GALNT1: variants seen among roughly 807,000 people sequenced by gnomAD.
The protein encoded by GALNT1 is polypeptide N-acetylgalactosaminyltransferase 1.
A neutral mutation model predicts 65.7 loss-of-function variants in GALNT1; 17 were observed. The ratio of observed to expected loss-of-function variants is 0.26; its 90% CI spans 0.18 to 0.39. GALNT1 has a LOEUF of 0.39. Among genes scored for constraint, GALNT1 ranks in the 10% least tolerant of loss-of-function variants. The probability of loss-of-function intolerance (pLI) is 1.00; values close to 1 mark genes in which losing one functional copy is unlikely to be tolerated. For missense variants in GALNT1, 460 were observed against 672.8 expected (o/e 0.68, Z 3.50); for synonymous variants, 210 against 219.7 (o/e 0.96, Z 0.39).
At chr18:35,625,131 T>TCTAC (rs2046899817) in intron 1 of GALNT1, among the ~76,000 whole-genome samples, 1 of 152,220 alleles carries the variant, frequency 6.6e-6, no homozygotes, top group Non-Finnish European at 1.5e-5. Context: ...TTTCATAACA[T>TCTAC]CTTTAGGGCT....
intron 5 of GALNT1, among the ~76,000 whole-genome samples, chr18:35,684,149 G>A (rs1317751902): frequency 1.3e-5 from 2 of 152,192 alleles, no homozygotes; most frequent in East Asian, 3.8e-4. Context: ...TTCTGGCTTA[G>A]TTCTTGTGCA....
intron 1 of GALNT1, among the ~76,000 whole-genome samples, chr18:35,638,762 A>T (rs1041411631): frequency 6.6e-6 from 1 of 152,204 alleles, no homozygotes. Flanking sequence ...ATCTGAGCAA[A>T]GTAACAGAGT....
At chr18:35,655,190 C>T (rs1165374668) in intron 2 of GALNT1, among the ~76,000 whole-genome samples, 1 of 152,050 alleles carries the variant, frequency 6.6e-6, no homozygotes, top group Non-Finnish European at 1.5e-5. Context: ...CTCCTCCCCT[C>T]CCATCTCATT....
chr18:35,619,826 GGGT>G (rs2046829312), intron 1 of GALNT1, among the ~76,000 whole-genome samples: 2 of 152,150 alleles, frequency 1.3e-5, no homozygotes, highest in Non-Finnish European at 2.9e-5. Flanking sequence ...AGTTGTTTGT[GGGT>G]AACATTTGAG....
In GALNT1 at chr18:35,709,862, A is replaced by C; in HGVS notation, c.*92A>C. On this transcript the variant is annotated 3_prime_UTR_variant, in exon 12 of 12. Transcript: ENST00000269195. ...ACATTCTTAAGTAGCAAAAAAGGAAAAGTGCTTTCCTCCTCTGCAGGATGT... is the reference window on the plus strand; with the variant it reads ...ACATTCTTAAGTAGCAAAAAAGGAACAGTGCTTTCCTCCTCTGCAGGATGT... 1 of 1,437,962 alleles carries C rather than the reference A, an allele frequency of 7.0e-7. No homozygotes were observed. Among genetic ancestry groups the C allele is most frequent in the Admixed American group, 2.0e-5 (1 of 50,348 alleles). The allele number at this position is 1,437,962 out of a possible 1,614,324, so 89.1% of individuals were successfully genotyped here.
At chr18:35,638,389 T>C (rs2047119694) in intron 1 of GALNT1, among the ~76,000 whole-genome samples, 1 of 152,090 alleles carries the variant, frequency 6.6e-6, no homozygotes, top group Non-Finnish European at 1.5e-5. Flanking sequence ...GGCATTTATT[T>C]ATACAGATTT....
At chr18:35,680,550 T>C (rs1248695456) in intron 4 of GALNT1, among the ~76,000 whole-genome samples, 2 of 152,226 alleles carry the variant, frequency 1.3e-5, no homozygotes, top group Non-Finnish European at 2.9e-5. Context: ...GAAAGAATAA[T>C]GTACACTGGT....
chr18:35,695,273 G>C (rs1455336931), intron 9 of GALNT1, among the ~76,000 whole-genome samples: 1 of 152,158 alleles, frequency 6.6e-6, no homozygotes, highest in South Asian at 2.1e-4. Context: ...GGTGTTGGGT[G>C]GGGGTGGGAA....
At chr18:35,581,450 C>T (rs1314586947), upstream of GALNT1, 1 of 146,514 alleles carries the variant, frequency 6.8e-6, no homozygotes, top group African/African-American at 2.5e-5. Context: ...GCCGGCGCCC[C>T]CGCCTCCCCC....
rs2047982865 is a variant in GALNT1, at chr18:35,692,411, G to C, written c.1299+91G>C. ...TAGGAGTTAGTTAAACTTCCAATAA[G>C]GAAAGTACCTTCATGTTAACATTTA... On this transcript the variant is annotated intron_variant, in intron 9 of 11. Transcript: ENST00000269195. 15 of 747,376 alleles carry C rather than the reference G, an allele frequency of 2.0e-5. 1 individual carries two copies. The South Asian group carries it at 4.6e-4, about 23-fold the overall frequency. 46.3% of individuals were successfully genotyped at this position (747,376 alleles called of 1,614,324 possible).
rs1169400856 is a variant in GALNT1, at chr18:35,627,775, C to T, written c.-103-26785C>T. Among the ~76,000 whole-genome samples, 4 of 152,088 alleles carry T rather than the reference C, an allele frequency of 2.6e-5. No individual in the cohort carries two copies. The East Asian group carries it at 7.7e-4, about 29-fold the overall frequency. On this transcript the variant is annotated intron_variant, in intron 1 of 11. Coordinates refer to ENST00000269195, the MANE Select transcript of GALNT1 (RefSeq NM_020474.4). ...CGAGCTGAAGCAGGGCGAGGCATCACCTCACTCGGGAAGCACAAGGGGTCA... is the reference window on the plus strand; with the variant it reads ...CGAGCTGAAGCAGGGCGAGGCATCATCTCACTCGGGAAGCACAAGGGGTCA...
Position 35,633,783 on chromosome 18 carries a change from A to G in GALNT1, c.-103-20777A>G, listed in dbSNP as rs1472865656. Reference sequence around the variant, plus strand: ...TAAAATCCCAGTTTAGTAATTTGAGAAATGTAACAATAAAGCATAGTCCCA... The same window carrying G: ...TAAAATCCCAGTTTAGTAATTTGAGGAATGTAACAATAAAGCATAGTCCCA... On this transcript the variant is annotated intron_variant, in intron 1 of 11. Coordinates refer to ENST00000269195, the MANE Select transcript of GALNT1 (RefSeq NM_020474.4). Among the ~76,000 whole-genome samples the G allele has an allele frequency of 2.0e-5, 3 of 152,330 alleles. No homozygotes were observed. In the East Asian group the frequency reaches 5.8e-4, roughly 29 times the overall value.
At chr18:35,641,234 C>T (rs1172540210) in intron 1 of GALNT1, among the ~76,000 whole-genome samples, 1 of 152,106 alleles carries the variant, frequency 6.6e-6, no homozygotes, top group Non-Finnish European at 1.5e-5. Context: ...TGCCTGAGCC[C>T]AGGAGTATGA....
chr18:35,708,384 T>G (rs2048300292), intron 11 of GALNT1, among the ~76,000 whole-genome samples: 1 of 151,868 alleles, frequency 6.6e-6, no homozygotes, highest in South Asian at 2.1e-4. Context: ...ATCTGCCAGG[T>G]CCTACTTTGA....
intron 9 of GALNT1, among the ~76,000 whole-genome samples, chr18:35,696,436 G>A (rs866183143): frequency 2.0e-5 from 3 of 152,236 alleles, no homozygotes; most frequent in Admixed American, 6.5e-5. Context: ...TTCAGCTAAC[G>A]CTGACGTTCG....
At chr18:35,637,258 A>T (rs536450080) in intron 1 of GALNT1, among the ~76,000 whole-genome samples, 1 of 152,218 alleles carries the variant, frequency 6.6e-6, no homozygotes, top group Non-Finnish European at 1.5e-5. Context: ...AAGCTAGAAA[A>T]GATAACGCTT....
At chr18:35,641,327 G>T (rs1217423872) in intron 1 of GALNT1, among the ~76,000 whole-genome samples, 3 of 152,144 alleles carry the variant, frequency 2.0e-5, no homozygotes, top group African/African-American at 7.2e-5. Flanking sequence ...TGTGCCTGTA[G>T]TCCTAGCTCG....
At chr18:35,652,086 T>G (rs1383555681) in intron 1 of GALNT1, among the ~76,000 whole-genome samples, 7 of 152,172 alleles carry the variant, frequency 4.6e-5, no homozygotes, top group African/African-American at 1.7e-4. Flanking sequence ...TACATGTTAT[T>G]TGCTCTTCAC....
At position 35,679,674 on chromosome 18, in the gene GALNT1, G is replaced by A. The variant is rs561958436; in HGVS notation, c.481+1917G>A. On this transcript the variant is annotated intron_variant, in intron 4 of 11. Coordinates refer to ENST00000269195, the MANE Select transcript of GALNT1 (RefSeq NM_020474.4). ...CCTGCCTTGGAAGCCTCAAATATCC[G>A]GGTTACCATTTCCGGTATCTGGGAG... is the stretch of plus-strand genomic sequence containing the variant. Among the ~76,000 whole-genome samples the A allele has an allele frequency of 2.6e-4, 40 of 152,164 alleles. 1 individual carries two copies. Among genetic ancestry groups the A allele is most frequent in the South Asian group, 4.2e-4 (2 of 4,806 alleles).
Sources: gnomAD v4.1 joint callset for allele counts (sites outside exome capture counted in the v4.1 genomes callset) on GRCh38, gnomAD v4.1.1 for gene constraint, MANE v1.5 for transcripts, NCBI Gene and HGNC (gene_info 2026-07-23, HGNC 2026-07-21) for gene names.